The following VCL variants were observed in gnomAD, a reference collection of about 807,000 sequenced individuals.
VCL encodes the protein vinculin.
A neutral mutation model predicts 125.7 loss-of-function variants in VCL; 47 were observed. That is an observed-to-expected ratio of 0.37 (90% confidence interval 0.30 to 0.48). The LOEUF (loss-of-function observed/expected upper bound fraction) is 0.48. Ranked by LOEUF, VCL falls within the 20% of genes least tolerant of loss-of-function variation. VCL has a pLI of 0.99. For missense variants in VCL, 1,069 were observed against 1,455.5 expected (o/e 0.73, Z 4.32); for synonymous variants, 458 against 514.6 (o/e 0.89, Z 1.49).
chr10:74,089,270 A>G lies in VCL; in HGVS notation c.1097A>G (p.Lys366Arg). Residue 366 changes from lysine (K) to arginine (R), a missense_variant, in exon 9 of 22, where the codon AAA (lysine) becomes AGA (arginine). Around this residue, in one of 6 missense-constraint regions of VCL, gnomAD observed 760 missense variants for 928.9 expected, o/e 0.82. Coordinates refer to ENST00000211998, the MANE Select transcript of VCL (RefSeq NM_014000.3). ...VSQGLDVLTA[K>R]VENAARKLEA... ...CAGGGTCTGGATGTGCTCACAGCAA[A>G]AGTGGAAAATGCAGCTCGCAAGCTG... The G allele has an allele frequency of 6.2e-7, 1 of 1,614,214 alleles. No individual in the cohort carries two copies. The highest frequency in any genetic ancestry group is 2.2e-5 in the East Asian group (1 of 44,884).
At chr10:74,104,051 T>C (rs1840096690) in intron 15 of VCL, 123 bp downstream of exon 15, 2 of 979,068 alleles carry the variant, frequency 2.0e-6, no homozygotes, top group South Asian at 1.4e-5. Flanking sequence ...TGCTGAGCAG[T>C]GTACTTGGCT....
At chr10:74,120,361 G>A (rs1431220622), downstream of VCL, 1 of 152,182 alleles carries the variant, frequency 6.6e-6, no homozygotes, top group East Asian at 1.9e-4. Flanking sequence ...ACAACCCTGG[G>A]GATTACACAC....
At chr10:74,117,966 T>G (rs1420345082) in intron 21 of VCL, 57 bp from the exon 22 acceptor site, 2 of 1,611,920 alleles carry the variant, frequency 1.2e-6, no homozygotes, top group Non-Finnish European at 1.7e-6. Context: ...AAACCTATTT[T>G]AGAGACAGGC....
chr10:74,019,668 G>C (rs1840624357), intron 1 of VCL, among the ~76,000 whole-genome samples: 1 of 152,072 alleles, frequency 6.6e-6, no homozygotes, highest in Admixed American at 6.5e-5. Flanking sequence ...GGAGGAAAAA[G>C]AAAAGATAAA....
intron 2 of VCL, among the ~76,000 whole-genome samples, chr10:74,061,753 A>T (rs1213784132): frequency 1.3e-5 from 2 of 152,074 alleles, no homozygotes; most frequent in African/African-American, 4.8e-5. Flanking sequence ...CTTTATTGCT[A>T]TGACTTCAAT....
intron 1 of VCL, among the ~76,000 whole-genome samples, chr10:74,008,762 T>C (rs762200355): frequency 1.3e-5 from 2 of 152,258 alleles, no homozygotes; most frequent in Non-Finnish European, 2.9e-5. Flanking sequence ...AGTAGCAGTC[T>C]TTAATGAGCA....
intron 13 of VCL, among the ~76,000 whole-genome samples, chr10:74,099,790 C>T (rs549153745): frequency 3.9e-5 from 6 of 152,218 alleles, no homozygotes; most frequent in East Asian, 1.9e-4. Context: ...ACTGAGGCCA[C>T]GGGAAGGAGG....
rs759571842 is a variant in VCL at position 74,094,370 on chromosome 10, C to T, written c.1452C>T (p.Ser484=). The part of the protein sequence containing the change: ...QTKTNRAVAN[S]RPAKAAVHLE... ...AAACCAACCGGGCTGTGGCCAACAG[C>T]AGACCGGCCAAAGCAGCTGTACACC... Residue 484 remains serine, a synonymous_variant, in exon 11 of 22, where the codon AGC becomes AGT. Coordinates refer to ENST00000211998, the MANE Select transcript of VCL (RefSeq NM_014000.3). The T allele has an allele frequency of 6.2e-7, 1 of 1,614,182 alleles. No homozygotes were observed. The highest frequency in any genetic ancestry group is 8.5e-7 in the Non-Finnish European group (1 of 1,180,024).
At chr10:74,028,981 G>C (rs1009207793) in intron 1 of VCL, among the ~76,000 whole-genome samples, 1 of 151,842 alleles carries the variant, frequency 6.6e-6, no homozygotes, top group African/African-American at 2.4e-5. Context: ...ACCATGCCCA[G>C]CCGATTTTTG....
At chr10:74,000,297 T>C (rs1840203315) in intron 1 of VCL, among the ~76,000 whole-genome samples, 1 of 146,794 alleles carries the variant, frequency 6.8e-6, no homozygotes, top group African/African-American at 2.5e-5. Flanking sequence ...GGTCTCGCTC[T>C]GTCACGCAGG....
chr10:74,018,222 A>ATTATT (rs1555114518), intron 1 of VCL, among the ~76,000 whole-genome samples: 2 of 142,668 alleles, frequency 1.4e-5, no homozygotes, highest in South Asian at 2.2e-4. Flanking sequence ...ATATATGTGT[A>ATTATT]TTATTTTATT....
chr10:74,089,140 T>C (rs1839835858), intron 8 of VCL, 56 bp from the exon 9 acceptor site: 5 of 1,611,254 alleles, frequency 3.1e-6, no homozygotes, highest in Non-Finnish European at 4.2e-6. Context: ...ATTGGGAATA[T>C]TTTGTCATTA....
intron 4 of VCL, 39 bp from the exon 5 acceptor site, chr10:74,072,691 T>G (rs1308791493): frequency 2.0e-5 from 33 of 1,613,608 alleles, no homozygotes; most frequent in Non-Finnish European, 2.8e-5. Context: ...CGGGATTGTT[T>G]CACTACTCAC....
intron 10 of VCL, among the ~76,000 whole-genome samples, chr10:74,092,081 T>C (rs1318248287): frequency 6.6e-6 from 1 of 152,008 alleles, no homozygotes; most frequent in South Asian, 2.1e-4. Context: ...GCTAAATTTT[T>C]GTATTTTTAG....
chr10:74,079,978 C>T (rs959884171), intron 6 of VCL, among the ~76,000 whole-genome samples: 8 of 152,224 alleles, frequency 5.3e-5, no homozygotes, highest in African/African-American at 1.7e-4. Context: ...AACTTCTTGA[C>T]GGTGTCACAC....
intron 2 of VCL, among the ~76,000 whole-genome samples, chr10:74,067,457 T>G (rs765454969): frequency 1.2e-4 from 18 of 151,278 alleles, no homozygotes; most frequent in Non-Finnish European, 1.5e-4. Flanking sequence ...TGCTGGAAAA[T>G]AGTTTTGTGG....
At position 74,089,188 on chromosome 10, in the gene VCL, T is replaced by A; in HGVS notation, c.1023-8T>A. 6.2e-7 allele frequency: 1 copy of A among 1,614,022 alleles called. No individual in the cohort carries two copies. The highest frequency in any genetic ancestry group is 8.5e-7 in the Non-Finnish European group (1 of 1,179,958). On this transcript the variant is annotated splice_region_variant and splice_polypyrimidine_tract_variant and intron_variant, in intron 8 of 21. Transcript: ENST00000211998. ...TGTACAATGACAGCATGTGTCTGTT[T>A]TGAGCAGAGGACAAGGATCCTCACC...
intron 8 of VCL, among the ~76,000 whole-genome samples, chr10:74,087,236 A>G (rs1839794255): frequency 6.6e-6 from 1 of 151,862 alleles, no homozygotes; most frequent in African/African-American, 2.4e-5. Context: ...TACCTTTTAT[A>G]TACCCGGCAA....
At chr10:74,116,895 C>T (rs1840318610) in intron 21 of VCL, among the ~76,000 whole-genome samples, 1 of 152,104 alleles carries the variant, frequency 6.6e-6, no homozygotes, top group Non-Finnish European at 1.5e-5. Flanking sequence ...ACTGAGTGTA[C>T]AAATTTTATG....
Sources: allele counts gnomAD v4.1 joint callset (sites outside exome capture counted in the v4.1 genomes callset), GRCh38; gene constraint gnomAD v4.1.1; regional missense constraint gnomAD v4.1.1; transcripts MANE v1.5; gene names NCBI Gene and HGNC (gene_info 2026-07-23, HGNC 2026-07-21).